Variants in NDUFB5 observed in about 807,000 individuals in gnomAD.
NDUFB5 encodes the protein NADH dehydrogenase [ubiquinone] 1 beta subcomplex subunit 5, mitochondrial.
In NDUFB5, 19 loss-of-function variants were observed where a neutral mutation model predicts 19.4. That is an observed-to-expected ratio of 0.98 (90% CI 0.68 to 1.43). The LOEUF is 1.43. Among genes scored for constraint, NDUFB5 ranks in the 40% most tolerant of loss-of-function variants. The probability of loss-of-function intolerance (pLI) is 0.00; values close to 1 mark genes in which losing one functional copy is unlikely to be tolerated. For missense variants in NDUFB5, 233 were observed against 236.5 expected (o/e 0.99, Z 0.10); for synonymous variants, 80 against 82.6 (o/e 0.97, Z 0.17).
At chr3:179,614,800 C>T (rs1719332656) in intron 1 of NDUFB5, 171 bp from the exon 2 acceptor site, 1 of 395,560 alleles carries the variant, frequency 2.5e-6, no homozygotes, top group Non-Finnish European at 4.6e-6. Context: ...GTGCCTACCT[C>T]ATAACAAGGT....
chr3:179,612,658 A>G (rs1719276715), intron 1 of NDUFB5, among the ~76,000 whole-genome samples: 2 of 149,174 alleles, frequency 1.3e-5, no homozygotes, highest in Admixed American at 6.9e-5. Flanking sequence ...TTGTATTTTT[A>G]GTAGAGACGG....
chr3:179,613,136 C>G (rs1330138473), intron 1 of NDUFB5, among the ~76,000 whole-genome samples: 1 of 152,172 alleles, frequency 6.6e-6, no homozygotes, highest in East Asian at 1.9e-4. Flanking sequence ...CTTTGTGTTT[C>G]TAAGACTCGA....
chr3:179,619,567 G>A (rs562696974), intron 5 of NDUFB5, among the ~76,000 whole-genome samples: 171 of 152,210 alleles, frequency 1.1e-3, no homozygotes, highest in African/African-American at 3.7e-3. Context: ...TCCATGGTGT[G>A]TATGTGCCAC....
chr3:179,616,057 ACTT>A lies in NDUFB5; in HGVS notation c.280+10_280+12del. ...TGGTGAATGTATTCATTGGTAAGTC[ACTT>A]CCATCCCCTGCCAGCACCACCAGAT... On this transcript the variant is annotated intron_variant, in intron 3 of 5. Coordinates refer to ENST00000259037, the MANE Select transcript of NDUFB5 (RefSeq NM_002492.4). 1 of 1,610,650 alleles carries A rather than the reference ACTT, an allele frequency of 6.2e-7. No individual in the cohort carries two copies. Among genetic ancestry groups the A allele is most frequent in the Non-Finnish European group, 8.5e-7 (1 of 1,178,108 alleles).
At chr3:179,618,228 T>C (rs1386532362) in intron 4 of NDUFB5, 187 bp from the exon 5 acceptor site, 1 of 452,582 alleles carries the variant, frequency 2.2e-6, no homozygotes, top group South Asian at 3.0e-5. Context: ...AATTCACTTA[T>C]CTTTAAAATG....
At chr3:179,612,573 TTA>T (rs1230193596) in intron 1 of NDUFB5, among the ~76,000 whole-genome samples, 3 of 151,154 alleles carry the variant, frequency 2.0e-5, no homozygotes, top group African/African-American at 7.3e-5. Flanking sequence ...CCTCCTGGGT[TTA>T]CTTACGCCAT....
rs1719697127 is a variant in NDUFB5 at position 179,627,367 on chromosome 3, A to C, written c.*3327A>C. On this transcript the variant is annotated 3_prime_UTR_variant, in exon 6 of 6. Transcript: ENST00000259037. ...TCCTCCCTTCCCAGGCATTGTGAAG[A>C]CCCTGTTTCCCTAGCTGTGCAGCTG... 6.6e-6 allele frequency: 1 copy of C among 152,264 alleles called. No homozygotes were observed. The highest frequency in any genetic ancestry group is 1.9e-4 in the East Asian group (1 of 5,182). 9.4% of individuals were successfully genotyped at this position (152,264 alleles called of 1,614,324 possible).
rs1560028530 is a variant in NDUFB5 at position 179,625,261 on chromosome 3, A to T, written c.*1221A>T. 1 of 152,272 alleles carries T rather than the reference A, an allele frequency of 6.6e-6. No individual in the cohort carries two copies. The highest frequency in any genetic ancestry group is 1.5e-5 in the Non-Finnish European group (1 of 67,998). 9.4% of individuals were successfully genotyped at this position (152,272 alleles called of 1,614,324 possible). ...CTGTAACAGCTTATCAATGCATCTC[A>T]TCTTAGAAGTATGTTTTACATTCTT... On this transcript the variant is annotated 3_prime_UTR_variant, in exon 6 of 6. Coordinates refer to ENST00000259037, the MANE Select transcript of NDUFB5 (RefSeq NM_002492.4).
At position 179,625,669 on chromosome 3, in the gene NDUFB5, G is replaced by C. The variant is rs1415099279; in HGVS notation, c.*1629G>C. The C allele has an allele frequency of 1.3e-5, 2 of 151,922 alleles. No homozygotes were observed. Among genetic ancestry groups the C allele is most frequent in the Admixed American group, 6.6e-5 (1 of 15,238 alleles). The allele number at this position is 151,922 out of a possible 1,614,324, so 9.4% of individuals were successfully genotyped here. On this transcript the variant is annotated 3_prime_UTR_variant, in exon 6 of 6. Transcript: ENST00000259037. Reference sequence around the variant, plus strand: ...ATTCCTTGTATCTAAATGTATTCTTGTAACCATTAACTAACTTTTCTGAAT... The same window carrying C: ...ATTCCTTGTATCTAAATGTATTCTTCTAACCATTAACTAACTTTTCTGAAT...
At chr3:179,607,945 C>G in intron 1 of NDUFB5, 1 of 612,846 alleles carries the variant, frequency 1.6e-6, no homozygotes, top group Non-Finnish European at 2.9e-6. Flanking sequence ...TGTATTTACC[C>G]CATTTTGCTT....
At chr3:179,610,496 C>T (rs1719212549) in intron 1 of NDUFB5, among the ~76,000 whole-genome samples, 1 of 152,104 alleles carries the variant, frequency 6.6e-6, no homozygotes, top group South Asian at 2.1e-4. Context: ...ATATTTTCTC[C>T]CATTCTGTGG....
intron 1 of NDUFB5, among the ~76,000 whole-genome samples, chr3:179,610,119 A>T (rs1285048740): frequency 1.3e-5 from 2 of 151,914 alleles, no homozygotes; most frequent in Admixed American, 1.3e-4. Context: ...TTTTGACAGG[A>T]TCTTGCTCTG....
intron 1 of NDUFB5, among the ~76,000 whole-genome samples, chr3:179,608,529 A>G (rs1186566176): frequency 3.9e-5 from 6 of 152,110 alleles, no homozygotes; most frequent in Admixed American, 3.3e-4. Context: ...GGTTACAGGG[A>G]GAAGTCCTGG....
Position 179,623,983 on chromosome 3 carries a change from T to A in NDUFB5, c.513T>A (p.Tyr171Ter), listed in dbSNP as rs773367928. The A allele has an allele frequency of 6.2e-6, 10 of 1,613,830 alleles. No individual in the cohort carries two copies. The highest frequency in any genetic ancestry group is 7.6e-6 in the Non-Finnish European group (9 of 1,179,746). Residue 171 changes from tyrosine (Y) to a stop codon, truncating the protein, a stop_gained, in exon 6 of 6, where the codon TAT becomes TAA. Coordinates refer to ENST00000259037, the MANE Select transcript of NDUFB5 (RefSeq NM_002492.4). LOFTEE classifies it high-confidence loss of function. The stretch of plus-strand genomic sequence containing the variant: ...GAGGAGATGGACCCTGGTATTACTA[T>A]GAGACAATTGACAAGGAACTTATTG... Reference protein sequence around the residue: ...HVRGDGPWYYYETIDKELIDH... With the variant: ...HVRGDGPWYY
rs1278028304 is a variant in NDUFB5 at position 179,624,590 on chromosome 3, C to CACACACACAT, written c.*559_*560insTACACACACA. The stretch of plus-strand genomic sequence containing the variant: ...AGACACGTACACACACACACACACA[C>CACACACACAT]ACACACACACACACGCTCTTTTCCT... On this transcript the variant is annotated 3_prime_UTR_variant, in exon 6 of 6. Coordinates refer to ENST00000259037, the MANE Select transcript of NDUFB5 (RefSeq NM_002492.4). 12 of 151,568 alleles carry CACACACACAT rather than the reference C, an allele frequency of 7.9e-5. No homozygotes were observed. The highest frequency in any genetic ancestry group is 2.9e-4 in the African/African-American group (12 of 40,990). 9.4% of individuals were successfully genotyped at this position (151,568 alleles called of 1,614,324 possible).
intron 1 of NDUFB5, among the ~76,000 whole-genome samples, chr3:179,608,765 G>A (rs1386729421): frequency 6.6e-6 from 1 of 152,062 alleles, no homozygotes; most frequent in Non-Finnish European, 1.5e-5. Context: ...CTTATCTCCT[G>A]CTAAATCACG....
chr3:179,605,348 T>C (rs1271255740), intron 1 of NDUFB5, among the ~76,000 whole-genome samples: 1 of 152,200 alleles, frequency 6.6e-6, no homozygotes, highest in African/African-American at 2.4e-5. Context: ...ACAGGTAATA[T>C]GTAGACAGGT....
intron 4 of NDUFB5, 56 bp downstream of exon 4, chr3:179,617,100 T>A (rs1001162667): frequency 2.4e-6 from 3 of 1,271,880 alleles, no homozygotes; most frequent in Non-Finnish European, 3.4e-6. Flanking sequence ...AACGCACTAG[T>A]TAATGTCTTA....
At chr3:179,613,993 C>CT (rs1719313387) in intron 1 of NDUFB5, among the ~76,000 whole-genome samples, 1 of 152,132 alleles carries the variant, frequency 6.6e-6, no homozygotes. Flanking sequence ...AGATTCAGAT[C>CT]TTTCTGACAT....
Sources: gnomAD v4.1 joint callset for allele counts (sites outside exome capture counted in the v4.1 genomes callset) on GRCh38, gnomAD v4.1.1 for gene constraint, MANE v1.5 for transcripts, NCBI Gene and HGNC (gene_info 2026-07-23, HGNC 2026-07-21) for gene names.